Variants in ABCB5 observed in about 807,000 individuals in gnomAD.
ABCB5 encodes the protein ATP-binding cassette sub-family B member 5.
A neutral mutation model predicts 144.2 loss-of-function variants in ABCB5; 155 were observed. That is an observed-to-expected ratio of 1.08 (90% confidence interval 0.94 to 1.23). ABCB5 has a LOEUF of 1.23. ABCB5 is among the 50% of genes most tolerant of loss of function. The probability of loss-of-function intolerance (pLI) is 0.00; values close to 1 mark genes in which losing one functional copy is unlikely to be tolerated. For synonymous variants in ABCB5, 610 were observed against 528.6 expected (o/e 1.15, Z -2.11); for missense variants, 1,830 against 1,520.8 (o/e 1.20, Z -3.38).
chr7:20,618,951 C>A (rs1583370810), intron 1 of ABCB5, among the ~76,000 whole-genome samples: 1 of 151,332 alleles, frequency 6.6e-6, no homozygotes, highest in South Asian at 2.1e-4. Flanking sequence ...ATTTTTGTAC[C>A]TTTAGTGGAG....
At chr7:20,687,790 T>C (rs995245145) in intron 16 of ABCB5, among the ~76,000 whole-genome samples, 1 of 152,088 alleles carries the variant, frequency 6.6e-6, no homozygotes, top group Non-Finnish European at 1.5e-5. Flanking sequence ...GAGGTTAAGG[T>C]AGGAGGATTG....
chr7:20,666,630 C>A, intron 14 of ABCB5: 1 of 1,202,876 alleles, frequency 8.3e-7, no homozygotes, highest in Non-Finnish European at 1.1e-6. Flanking sequence ...AGCAAAGTGT[C>A]AAGTAGAGAC....
intron 13 of ABCB5, among the ~76,000 whole-genome samples, chr7:20,654,566 C>G (rs1014866554): frequency 6.6e-6 from 1 of 152,174 alleles, no homozygotes; most frequent in African/African-American, 2.4e-5. Flanking sequence ...GCACACGCAA[C>G]ATTCTCTAAA....
At chr7:20,681,038 T>TCTCTC (rs1562559037) in intron 14 of ABCB5, among the ~76,000 whole-genome samples, 1 of 7,254 alleles carries the variant, frequency 1.4e-4, no homozygotes, top group African/African-American at 3.0e-4. Flanking sequence ...TTCTTTCTCT[T>TCTCTC]TCTTTCTTTC....
chr7:20,746,714 A>G (rs1218373828), intron 26 of ABCB5, among the ~76,000 whole-genome samples: 2 of 152,256 alleles, frequency 1.3e-5, no homozygotes, highest in African/African-American at 4.8e-5. Context: ...CAAATCCAAA[A>G]ACAGTGCACA....
intron 14 of ABCB5, among the ~76,000 whole-genome samples, chr7:20,662,228 T>C (rs1333857891): frequency 6.6e-6 from 1 of 152,230 alleles, no homozygotes; most frequent in African/African-American, 2.4e-5. Context: ...CATCACAATA[T>C]TATTCTTTGA....
Position 20,728,438 on chromosome 7 carries a change from C to T in ABCB5, c.2850C>T (p.Thr950=), listed in dbSNP as rs755617194. ...ATTTAATTCAAGCTGGACGAATGAC[C>T]CCAGAGGGCATGTTCATGTAAGTCG... ...GAYLIQAGRM[T]PEGMFIVFTA... Residue 950 remains threonine, a synonymous_variant, in exon 23 of 28, where the codon ACC becomes ACT. Coordinates refer to ENST00000404938, the MANE Select transcript of ABCB5 (RefSeq NM_001163941.2). 5.0e-5 allele frequency: 80 copies of T among 1,613,938 alleles called. No individual in the cohort carries two copies. Among genetic ancestry groups the T allele is most frequent in the Non-Finnish European group, 6.5e-5 (77 of 1,179,966 alleles).
Position 20,698,463 on chromosome 7 carries a change from G to A in ABCB5, c.2067G>A (p.Trp689Ter). The A allele has an allele frequency of 6.3e-7, 1 of 1,597,790 alleles. No homozygotes were observed. The highest frequency in any genetic ancestry group is 8.5e-7 in the Non-Finnish European group (1 of 1,174,172). Reference protein sequence around the residue: ...LKILKLNKPEWPFVVLGTLAS... With the variant: ...LKILKLNKPE ...TTTTAAAGTTAAACAAGCCTGAATGGCCTTTTGTGGTTCTGGGGACATTGG... is the reference window on the plus strand; with the variant it reads ...TTTTAAAGTTAAACAAGCCTGAATGACCTTTTGTGGTTCTGGGGACATTGG... Residue 689 changes from tryptophan to a stop codon, truncating the protein, a stop_gained, in exon 17 of 28, where the codon TGG (tryptophan) becomes TGA (stop). Transcript: ENST00000404938. LOFTEE classifies it high-confidence loss of function.
chr7:20,721,744 C>T (rs1056192068), intron 20 of ABCB5, among the ~76,000 whole-genome samples: 4 of 152,190 alleles, frequency 2.6e-5, no homozygotes, highest in Non-Finnish European at 4.4e-5. Flanking sequence ...CTCATTTTTA[C>T]AGGTTCCATA....
chr7:20,718,120 A>G (rs1232360889), intron 20 of ABCB5, among the ~76,000 whole-genome samples: 5 of 150,800 alleles, frequency 3.3e-5, no homozygotes, highest in African/African-American at 1.2e-4. Flanking sequence ...CGTGTTAGCC[A>G]GGATGGTCTT....
intron 15 of ABCB5, among the ~76,000 whole-genome samples, 171 bp from the exon 16 acceptor site, chr7:20,685,525 A>G (rs1785965043): frequency 6.6e-6 from 1 of 152,226 alleles, no homozygotes; most frequent in South Asian, 2.1e-4. Context: ...TTTTAGTATG[A>G]GATAGACTTA....
intron 13 of ABCB5, among the ~76,000 whole-genome samples, chr7:20,652,065 A>G (rs1239673302): frequency 6.6e-6 from 1 of 152,232 alleles, no homozygotes; most frequent in Non-Finnish European, 1.5e-5. Flanking sequence ...AAAGAAAAAA[A>G]TGAAAGATAT....
At chr7:20,634,824 T>G (rs573188175) in intron 5 of ABCB5, among the ~76,000 whole-genome samples, 5 of 152,262 alleles carry the variant, frequency 3.3e-5, no homozygotes, top group African/African-American at 1.2e-4. Context: ...GTTGGTTGCA[T>G]AGTTGGCAAA....
At chr7:20,685,918 T>G (rs1043261176) in intron 16 of ABCB5, 82 bp downstream of exon 16, 110 of 1,352,498 alleles carry the variant, frequency 8.1e-5, no homozygotes, top group Non-Finnish European at 1.0e-4. Flanking sequence ...AATTTATTTA[T>G]AGTAAAATAT....
chr7:20,741,207 A>G (rs957726731), intron 24 of ABCB5, among the ~76,000 whole-genome samples: 3 of 151,604 alleles, frequency 2.0e-5, no homozygotes, highest in African/African-American at 7.3e-5. Flanking sequence ...TTTTCTCTCT[A>G]TTTTTATACT....
rs189910277 is a variant in ABCB5 at position 20,675,202 on chromosome 7, A to T, written c.1708-6303A>T. On this transcript the variant is annotated intron_variant, in intron 14 of 27. Transcript: ENST00000404938. ...AAATATCCAAATCAATCTTGAGAAG[A>T]AAAACAAAGCTGAAGGCATCACACT... 1.6e-4 allele frequency among the ~76,000 whole-genome samples: 24 copies of T among 152,214 alleles called. 1 individual carries two copies. The East Asian group carries it at 4.2e-3, about 27-fold the overall frequency.
At chr7:20,698,097 C>G (rs963087251) in intron 16 of ABCB5, among the ~76,000 whole-genome samples, 1 of 152,232 alleles carries the variant, frequency 6.6e-6, no homozygotes, top group Admixed American at 6.5e-5. Context: ...GAAAAATACA[C>G]CTGCCATTTC....
chr7:20,657,459 A>G (rs1254730542), intron 13 of ABCB5, among the ~76,000 whole-genome samples: 1 of 152,240 alleles, frequency 6.6e-6, no homozygotes, highest in Non-Finnish European at 1.5e-5. Context: ...GGAGTGAACA[A>G]CTGATACAAC....
intron 25 of ABCB5, among the ~76,000 whole-genome samples, chr7:20,743,891 A>G (rs1782637543): frequency 6.6e-6 from 1 of 152,134 alleles, no homozygotes; most frequent in Non-Finnish European, 1.5e-5. Flanking sequence ...CGCACATAGC[A>G]TAGCACACTC....
Sources: gnomAD v4.1 joint callset for allele counts (sites outside exome capture counted in the v4.1 genomes callset) on GRCh38, gnomAD v4.1.1 for gene constraint, MANE v1.5 for transcripts, NCBI Gene and HGNC (gene_info 2026-07-23, HGNC 2026-07-21) for gene names.